The following KLHL14 variants were observed in gnomAD, a reference collection of about 807,000 sequenced individuals.
KLHL14 encodes the protein kelch like family member 14.
Under a neutral mutation model 64.3 loss-of-function variants are expected in KLHL14, and 22 were observed. The observed-to-expected ratio is 0.34, with a 90% confidence interval of 0.24 to 0.49. The LOEUF is 0.49. KLHL14 is among the 20% of genes least tolerant of loss of function. The probability of loss-of-function intolerance (pLI) is 0.99; values close to 1 mark genes in which losing one functional copy is unlikely to be tolerated. For synonymous variants in KLHL14, 322 were observed against 333.4 expected, an observed-to-expected ratio of 0.97 and a Z score of 0.37; for missense variants, 661 against 789.0, an observed-to-expected ratio of 0.84 and a Z score of 1.94.
chr18:32,745,404 A>G (rs549035150), intron 2 of KLHL14: 1 of 152,330 alleles, frequency 6.6e-6, no homozygotes, highest in African/African-American at 2.4e-5. Flanking sequence ...AACACATTTG[A>G]GTGGTTTTCT....
At position 32,680,143 on chromosome 18, in the gene KLHL14, A is replaced by G. The variant is rs1287457031; in HGVS notation, c.1588+26T>C. Reference sequence around the variant, plus strand: ...ATGAGGTGCAAATGTTATTGTGACTAAAAAACAAAACAACAAAAAAAAGAC... The same window carrying G: ...ATGAGGTGCAAATGTTATTGTGACTGAAAAACAAAACAACAAAAAAAAGAC... On this transcript the variant is annotated intron_variant, in intron 7 of 8. Coordinates refer to ENST00000359358, the MANE Select transcript of KLHL14 (RefSeq NM_020805.3). This position sits in a 1 kb window ranked among gnomAD's most constrained non-coding sequence, Gnocchi z 4.8. 6.2e-7 allele frequency: 1 copy of G among 1,609,192 alleles called. No homozygotes were observed.
intron 4 of KLHL14, among the ~76,000 whole-genome samples, chr18:32,693,237 C>T (rs2049917338): frequency 6.6e-6 from 1 of 152,144 alleles, no homozygotes; most frequent in Admixed American, 6.5e-5. Flanking sequence ...AACCAGTTCT[C>T]CTCTATTTAG....
chr18:32,683,214 C>T lies in KLHL14; in HGVS notation c.1239-2615G>A, dbSNP rs775861925. Among the ~76,000 whole-genome samples the T allele has an allele frequency of 3.9e-5, 6 of 152,080 alleles. No homozygotes were observed. Among genetic ancestry groups the T allele is most frequent in the African/African-American group, 9.7e-5 (4 of 41,412 alleles). ...TTTTCTAGCCAAGGCGTTCTTCATG[C>T]GACACTTCGTGTGTACTCCTAGCTT... On this transcript the variant is annotated intron_variant, in intron 5 of 8. Coordinates refer to ENST00000359358, the MANE Select transcript of KLHL14 (RefSeq NM_020805.3). The surrounding 1 kb of genome is among the most constrained non-coding windows in gnomAD (Gnocchi z 4.2).
rs762991249 is a variant in KLHL14, at chr18:32,742,058, A to G, written c.948-9T>C. 6.2e-7 allele frequency: 1 copy of G among 1,611,692 alleles called. No individual in the cohort carries two copies. Among genetic ancestry groups the G allele is most frequent in the Non-Finnish European group, 8.5e-7 (1 of 1,179,456 alleles). ...TCTTGTTAGAGCGAATTCTTCACCC[A>G]AAACAAAAGAGGAGATGAATAACCA... On this transcript the variant is annotated splice_polypyrimidine_tract_variant and intron_variant, in intron 2 of 8. Coordinates refer to ENST00000359358, the MANE Select transcript of KLHL14 (RefSeq NM_020805.3).
chr18:32,709,262 A>C (rs1056756311), intron 3 of KLHL14, among the ~76,000 whole-genome samples: 1 of 151,926 alleles, frequency 6.6e-6, no homozygotes, highest in African/African-American at 2.4e-5. Context: ...AGGCCTTTGC[A>C]TCTGCTCTTC....
intron 4 of KLHL14, among the ~76,000 whole-genome samples, chr18:32,694,362 T>A (rs1486596155): frequency 1.3e-5 from 2 of 152,108 alleles, no homozygotes; most frequent in Non-Finnish European, 2.9e-5. Flanking sequence ...CATGTCAGGG[T>A]TTTCTGGTAA....
At chr18:32,730,912 A>G (rs2050134045) in intron 3 of KLHL14, among the ~76,000 whole-genome samples, 1 of 152,234 alleles carries the variant, frequency 6.6e-6, no homozygotes, top group Admixed American at 6.5e-5. Context: ...ACACGCTGTG[A>G]GAAGCGGTCG....
chr18:32,735,401 C>T (rs964463916), intron 3 of KLHL14, among the ~76,000 whole-genome samples: 4 of 152,090 alleles, frequency 2.6e-5, no homozygotes, highest in African/African-American at 7.2e-5. Context: ...AAATTGTGAG[C>T]CTGCCATTGA....
chr18:32,741,178 A>G (rs2050195079), intron 3 of KLHL14, among the ~76,000 whole-genome samples: 1 of 152,180 alleles, frequency 6.6e-6, no homozygotes, highest in African/African-American at 2.4e-5. Context: ...CAGTGCAGCC[A>G]CTGTGCCCAC....
intron 3 of KLHL14, among the ~76,000 whole-genome samples, chr18:32,725,952 GT>G (rs1212980840): frequency 6.6e-6 from 1 of 152,214 alleles, no homozygotes; most frequent in Non-Finnish European, 1.5e-5. Context: ...TACAGTTGAT[GT>G]GAGGATTAAA....
intron 4 of KLHL14, among the ~76,000 whole-genome samples, chr18:32,691,201 C>T (rs531460808): frequency 1.8e-4 from 28 of 152,268 alleles, no homozygotes; most frequent in South Asian, 1.5e-3. Flanking sequence ...ATTTGGAAGA[C>T]GATATCTGCC....
intron 2 of KLHL14, among the ~76,000 whole-genome samples, chr18:32,754,395 A>G (rs2050271461): frequency 6.6e-6 from 1 of 152,214 alleles, no homozygotes; most frequent in Non-Finnish European, 1.5e-5. Flanking sequence ...CACCTGCTGC[A>G]GAAGAAAAAG....
chr18:32,673,227 T>C lies in KLHL14; in HGVS notation c.*1430A>G, dbSNP rs1349705426. The stretch of plus-strand genomic sequence containing the variant: ...CCATTTATCTTGACGTGCTCTGCCA[T>C]GAAAGCTTATCACTAAGGCATTTTT... On this transcript the variant is annotated 3_prime_UTR_variant, in exon 9 of 9. Transcript: ENST00000359358. The C allele has an allele frequency of 4.6e-5, 7 of 152,646 alleles. No individual in the cohort carries two copies. Among genetic ancestry groups the C allele is most frequent in the Non-Finnish European group, 1.5e-5 (1 of 68,038 alleles). 9.5% of individuals were successfully genotyped at this position (152,646 alleles called of 1,614,324 possible). A position where few individuals can be genotyped will look rare whatever the true frequency, so the allele number is the denominator to read the frequency against.
rs552820508 is a variant in KLHL14, at chr18:32,676,162, G to A, written c.1746+1011C>T. 5.3e-5 allele frequency among the ~76,000 whole-genome samples: 8 copies of A among 152,242 alleles called. No individual in the cohort carries two copies. The South Asian group carries it at 1.7e-3, about 32-fold the overall frequency. On this transcript the variant is annotated intron_variant, in intron 8 of 8. Coordinates refer to ENST00000359358, the MANE Select transcript of KLHL14 (RefSeq NM_020805.3). ...ACGAAAGAAATAAATAAAGGAAAAA[G>A]AAAGAAGCTGAATTTAATTATGCCC... is the stretch of plus-strand genomic sequence containing the variant.
At position 32,683,800 on chromosome 18, in the gene KLHL14, T is replaced by C. The variant is rs918429459; in HGVS notation, c.1239-3201A>G. The stretch of plus-strand genomic sequence containing the variant: ...TCAGTTTATATCCTAAAGCATGAGA[T>C]TGGATTACTATATCCTTACCCTGCT... On this transcript the variant is annotated intron_variant, in intron 5 of 8. Transcript: ENST00000359358. The surrounding 1 kb of genome is among the most constrained non-coding windows in gnomAD (Gnocchi z 4.2). Among the ~76,000 whole-genome samples the C allele has an allele frequency of 3.9e-5, 6 of 152,226 alleles. No individual in the cohort carries two copies. The highest frequency in any genetic ancestry group is 3.9e-4 in the Admixed American group (6 of 15,280).
At chr18:32,719,227 C>T (rs960958759) in intron 3 of KLHL14, among the ~76,000 whole-genome samples, 1 of 152,204 alleles carries the variant, frequency 6.6e-6, no homozygotes, top group African/African-American at 2.4e-5. Flanking sequence ...GGATTATAGG[C>T]GTAAGCCACT....
At position 32,680,717 on chromosome 18, in the gene KLHL14, G is replaced by T; in HGVS notation, c.1239-118C>A. 2 of 967,540 alleles carry T rather than the reference G, an allele frequency of 2.1e-6. No homozygotes were observed. Among genetic ancestry groups the T allele is most frequent in the Admixed American group, 2.7e-5 (1 of 37,586 alleles). The allele number at this position is 967,540 out of a possible 1,614,324, so 59.9% of individuals were successfully genotyped here. The stretch of plus-strand genomic sequence containing the variant: ...AGGGGTGCATTCTGCTTCAGAAAGG[G>T]TTGCAAATCTTTAAAAATTACACGT... On this transcript the variant is annotated intron_variant, in intron 5 of 8. Coordinates refer to ENST00000359358, the MANE Select transcript of KLHL14 (RefSeq NM_020805.3). The surrounding 1 kb of genome is among the most constrained non-coding windows in gnomAD (Gnocchi z 4.8).
chr18:32,762,150 G>A (rs2050317788), intron 2 of KLHL14, among the ~76,000 whole-genome samples: 1 of 151,396 alleles, frequency 6.6e-6, no homozygotes, highest in Non-Finnish European at 1.5e-5. Flanking sequence ...CATAGTTATT[G>A]AACCGAATGG....
At chr18:32,758,247 G>C (rs191908092) in intron 2 of KLHL14, among the ~76,000 whole-genome samples, 1 of 152,122 alleles carries the variant, frequency 6.6e-6, no homozygotes, top group African/African-American at 2.4e-5. Flanking sequence ...CTCAGCCTCT[G>C]AGTATCTGGA....
Sources: gnomAD v4.1 joint callset for allele counts (sites outside exome capture counted in the v4.1 genomes callset) on GRCh38, gnomAD v4.1.1 for gene constraint, Gnocchi (gnomAD v3.1) non-coding constraint, MANE v1.5 for transcripts, NCBI Gene and HGNC (gene_info 2026-07-23, HGNC 2026-07-21) for gene names.